The following NR3C1 variants were observed in gnomAD, a reference collection of about 807,000 sequenced individuals.
NR3C1 encodes the protein nuclear receptor subfamily 3 group C member 1.
NR3C1 carries 14 observed loss-of-function variants against 74.0 expected under a neutral mutation model. That is an observed-to-expected ratio of 0.19 (90% CI 0.12 to 0.30). NR3C1 has a LOEUF of 0.30. Among genes scored for constraint, NR3C1 ranks in the 10% least tolerant of loss-of-function variants. The probability of loss-of-function intolerance (pLI) is 1.00; values close to 1 mark genes in which losing one functional copy is unlikely to be tolerated. For synonymous variants in NR3C1, 308 were observed against 332.5 expected (o/e 0.93, Z 0.80); for missense variants, 695 against 909.8 (o/e 0.76, Z 3.04).
intron 1 of NR3C1, chr5:143,402,829 G>A (rs1295669411): frequency 1.0e-6 from 1 of 985,288 alleles, no homozygotes; most frequent in African/African-American, 1.7e-5. Context: ...GCGGCTTAGC[G>A]TTCACCACGA....
At chr5:143,373,791 T>C (rs1834656662) in intron 2 of NR3C1, among the ~76,000 whole-genome samples, 1 of 152,014 alleles carries the variant, frequency 6.6e-6, no homozygotes, top group Non-Finnish European at 1.5e-5. Context: ...GAGGGGGATG[T>C]GACTGGGAAA....
In NR3C1 at chr5:143,300,208, G is replaced by A. The variant is rs1199816671; in HGVS notation, c.1747+277C>T. Among the ~76,000 whole-genome samples the A allele has an allele frequency of 6.6e-6, 1 of 152,166 alleles. No individual in the cohort carries two copies. Among genetic ancestry groups the A allele is most frequent in the Non-Finnish European group, 1.5e-5 (1 of 68,024 alleles). On this transcript the variant is annotated intron_variant, in intron 5 of 8. Coordinates refer to ENST00000394464, the MANE Select transcript of NR3C1 (RefSeq NM_000176.3). This position sits in a 1 kb window ranked among gnomAD's most constrained non-coding sequence, Gnocchi z 5.2. ...TCTTTCCCCAAACTTCAGTGTAAAA[G>A]GAGTTTTGAGTGAGTCTTGTAACTT...
At chr5:143,327,232 A>G (rs962198513) in intron 2 of NR3C1, among the ~76,000 whole-genome samples, 1 of 152,134 alleles carries the variant, frequency 6.6e-6, no homozygotes, top group East Asian at 1.9e-4. Flanking sequence ...CAGGAGAGAG[A>G]AAGAGCACAA....
intron 2 of NR3C1, among the ~76,000 whole-genome samples, chr5:143,339,115 T>C (rs758106763): frequency 7.2e-5 from 11 of 152,346 alleles, no homozygotes; most frequent in Middle Eastern, 3.4e-3. Flanking sequence ...AAGTTCACTC[T>C]ATGATGTCTG....
chr5:143,413,806 C>G (rs1421770351), intron 1 of NR3C1, among the ~76,000 whole-genome samples: 1 of 152,082 alleles, frequency 6.6e-6, no homozygotes, highest in Non-Finnish European at 1.5e-5. Flanking sequence ...CAAGTGCCCA[C>G]CACTGACACC....
chr5:143,342,896 G>A (rs927095438), intron 2 of NR3C1, among the ~76,000 whole-genome samples: 3 of 152,158 alleles, frequency 2.0e-5, no homozygotes, highest in Non-Finnish European at 2.9e-5. Context: ...GATTTGCTAC[G>A]AGCTGGAAAG....
intron 2 of NR3C1, chr5:143,375,503 C>T (rs1025477248): frequency 3.3e-5 from 5 of 152,118 alleles, no homozygotes; most frequent in East Asian, 3.9e-4. Context: ...TGTTTGGACA[C>T]GGAAAGATGT....
intron 2 of NR3C1, among the ~76,000 whole-genome samples, chr5:143,345,997 T>C (rs1291460421): frequency 6.6e-6 from 1 of 152,208 alleles, no homozygotes; most frequent in African/African-American, 2.4e-5. Flanking sequence ...GCTTACTGTA[T>C]GTGGATCCCA....
At chr5:143,320,355 G>T (rs1308431050) in intron 2 of NR3C1, among the ~76,000 whole-genome samples, 2 of 152,040 alleles carry the variant, frequency 1.3e-5, no homozygotes, top group Non-Finnish European at 2.9e-5. Context: ...TCAACTTTAG[G>T]TTCTTATTAA....
intron 2 of NR3C1, among the ~76,000 whole-genome samples, chr5:143,363,429 G>A (rs949841892): frequency 6.6e-6 from 1 of 152,092 alleles, no homozygotes; most frequent in African/African-American, 2.4e-5. Flanking sequence ...AAAGAAAACA[G>A]AAACTATGCC....
In NR3C1 at chr5:143,365,103, A is replaced by G. The variant is rs866248053; in HGVS notation, c.1184+34553T>C. On this transcript the variant is annotated intron_variant, in intron 2 of 8. Coordinates refer to ENST00000394464, the MANE Select transcript of NR3C1 (RefSeq NM_000176.3). ...AAATGACAAAGAAATTAAAATCGTT[A>G]CACTAGAAAATATGTAATACAAAAG... 3.3e-5 allele frequency among the ~76,000 whole-genome samples: 5 copies of G among 152,360 alleles called. No homozygotes were observed. In the South Asian group the frequency reaches 1.0e-3, roughly 32 times the overall value.
At chr5:143,323,077 A>AT (rs1823719107) in intron 2 of NR3C1, among the ~76,000 whole-genome samples, 1 of 152,224 alleles carries the variant, frequency 6.6e-6, no homozygotes, top group Non-Finnish European at 1.5e-5. Context: ...GAAATAATTA[A>AT]TAAGTTTTAA....
chr5:143,373,768 G>A (rs573974499), intron 2 of NR3C1, among the ~76,000 whole-genome samples: 1 of 152,126 alleles, frequency 6.6e-6, no homozygotes, highest in Non-Finnish European at 1.5e-5. Flanking sequence ...GTATAGTCCT[G>A]CAGATGGGAA....
At chr5:143,334,139 T>C (rs1826608383) in intron 2 of NR3C1, among the ~76,000 whole-genome samples, 1 of 152,138 alleles carries the variant, frequency 6.6e-6, no homozygotes, top group Non-Finnish European at 1.5e-5. Context: ...CCCAACACTT[T>C]GGGAGGCTGA....
At chr5:143,380,705 C>T (rs919470292) in intron 2 of NR3C1, among the ~76,000 whole-genome samples, 1 of 152,140 alleles carries the variant, frequency 6.6e-6, no homozygotes, top group South Asian at 2.1e-4. Context: ...ATATGCATCA[C>T]ATATGCATTT....
intron 4 of NR3C1, among the ~76,000 whole-genome samples, chr5:143,309,255 C>CA (rs1599834704): frequency 6.6e-6 from 1 of 151,866 alleles, no homozygotes; most frequent in African/African-American, 2.4e-5. Context: ...GTGTTTTTAG[C>CA]AGAGACAGGG....
chr5:143,392,036 G>T (rs1292757611), intron 2 of NR3C1, among the ~76,000 whole-genome samples: 1 of 151,914 alleles, frequency 6.6e-6, no homozygotes, highest in African/African-American at 2.4e-5. Context: ...TGCAACCTCG[G>T]CTCACTGCAA....
At chr5:143,289,886 A>G (rs556970180) in intron 7 of NR3C1, among the ~76,000 whole-genome samples, 9 of 152,340 alleles carry the variant, frequency 5.9e-5, no homozygotes, top group African/African-American at 2.2e-4. Context: ...ACAATTGCGG[A>G]AAAGTTTGGC....
intron 1 of NR3C1, among the ~76,000 whole-genome samples, chr5:143,410,104 T>C (rs1370344410): frequency 6.6e-6 from 1 of 152,194 alleles, no homozygotes; most frequent in South Asian, 2.1e-4. Context: ...CACTGAATAA[T>C]TGCAACAAGT....
Sources: gnomAD v4.1 joint callset for allele counts (sites outside exome capture counted in the v4.1 genomes callset) on GRCh38, gnomAD v4.1.1 for gene constraint, Gnocchi (gnomAD v3.1) non-coding constraint, MANE v1.5 for transcripts, NCBI Gene and HGNC (gene_info 2026-07-23, HGNC 2026-07-21) for gene names.